Variants in FRS2 observed in about 807,000 individuals in gnomAD.
The protein encoded by FRS2 is FGFR signalling adaptor.
Under a neutral mutation model 43.9 loss-of-function variants are expected in FRS2, and 8 were observed. The observed-to-expected ratio is 0.18, with a 90% CI of 0.11 to 0.33. The LOEUF is 0.33. FRS2 is among the 10% of genes least tolerant of loss of function. The probability of loss-of-function intolerance (pLI) is 1.00; values close to 1 mark genes in which losing one functional copy is unlikely to be tolerated. For synonymous variants in FRS2, 219 were observed against 220.3 expected, an observed-to-expected ratio of 0.99 and a Z score of 0.05; for missense variants, 534 against 627.6, an observed-to-expected ratio of 0.85 and a Z score of 1.59.
chr12:69,492,528 CAAAG>C (rs1222210727), intron 1 of FRS2, among the ~76,000 whole-genome samples: 1 of 152,132 alleles, frequency 6.6e-6, no homozygotes, highest in Non-Finnish European at 1.5e-5. Flanking sequence ...AGGGATAAGA[CAAAG>C]AACCATCTGT....
intron 1 of FRS2, among the ~76,000 whole-genome samples, chr12:69,478,722 TTA>T (rs1328354523): frequency 9.0e-5 from 9 of 99,908 alleles, no homozygotes; most frequent in Admixed American, 3.2e-4. Context: ...ACATACATCA[TTA>T]TGTGTGTGTG....
chr12:69,524,671 T>TG (rs1876024051), intron 1 of FRS2, among the ~76,000 whole-genome samples: 2 of 152,160 alleles, frequency 1.3e-5, no homozygotes, highest in South Asian at 4.1e-4. Flanking sequence ...AAATCTCCTA[T>TG]GGGGGCAGGT....
chr12:69,533,608 CAA>C (rs1043441028), intron 3 of FRS2, among the ~76,000 whole-genome samples: 1 of 152,144 alleles, frequency 6.6e-6, no homozygotes, highest in Non-Finnish European at 1.5e-5. Context: ...CTTGGCCTCC[CAA>C]AGTGTTGGGA....
In FRS2 at chr12:69,574,915, C is replaced by G; in HGVS notation, c.1487C>G (p.Ser496Cys). ...GCACTGCCACGAGATGATGGTACAT[C>G]TAGGAAAACTAGACACAATAGTACT... ...QKALPRDDGT[S>C]RKTRHNSTDL... The change falls in exon 9 of 9, where the codon TCT (serine) becomes TGT (cysteine). Residue 496 changes from serine to cysteine, a missense_variant. Ser to Cys is a moderately radical substitution (Grantham distance 112). Transcript: ENST00000549921. The G allele has an allele frequency of 2.5e-6, 4 of 1,612,644 alleles. No homozygotes were observed. Among genetic ancestry groups the G allele is most frequent in the Non-Finnish European group, 2.5e-6 (3 of 1,178,760 alleles).
rs1328613900 is a variant in FRS2 at position 69,578,638 on chromosome 12, G to A, written c.*3683G>A. On this transcript the variant is annotated 3_prime_UTR_variant, in exon 9 of 9. Transcript: ENST00000549921. ...TCACCAGTGTGCCACATTTGCATTA[G>A]TAATGCAAAATATACATTTTATAAA... is the stretch of plus-strand genomic sequence containing the variant. 1 of 152,522 alleles carries A rather than the reference G, an allele frequency of 6.6e-6. No individual in the cohort carries two copies. The highest frequency in any genetic ancestry group is 1.5e-5 in the Non-Finnish European group (1 of 68,014). 9.4% of individuals were successfully genotyped at this position (152,522 alleles called of 1,614,324 possible).
rs1881099618 is a variant in FRS2, at chr12:69,575,095, A to T, written c.*140A>T. 2 of 607,932 alleles carry T rather than the reference A, an allele frequency of 3.3e-6. No homozygotes were observed. Among genetic ancestry groups the T allele is most frequent in the African/African-American group, 3.7e-5 (2 of 54,012 alleles). 37.7% of individuals were successfully genotyped at this position (607,932 alleles called of 1,614,324 possible). On this transcript the variant is annotated 3_prime_UTR_variant, in exon 9 of 9. Transcript: ENST00000549921. ...TCTGAATATTTCATGTGCATCTTTA[A>T]CTAAAGGGAATTAATGTAGAGCAGG...
At chr12:69,568,190 T>C (rs1305413118) in intron 4 of FRS2, among the ~76,000 whole-genome samples, 1 of 152,226 alleles carries the variant, frequency 6.6e-6, no homozygotes, top group Non-Finnish European at 1.5e-5. Context: ...ATAGACATGC[T>C]ATATCAGTTT....
At position 69,570,365 on chromosome 12, in the gene FRS2, G is replaced by A. The variant is rs1266443686; in HGVS notation, c.101G>A (p.Gly34Asp). The A allele has an allele frequency of 2.5e-6, 4 of 1,613,824 alleles. No homozygotes were observed. In the Admixed American group the frequency reaches 5.0e-5, roughly 20 times the overall value. The change falls in exon 6 of 9, where the codon GGT becomes GAT. Residue 34 changes from glycine (G) to aspartate (D), a missense_variant. Physicochemically the swap from Gly to Asp is moderately conservative, Grantham distance 94. Transcript: ENST00000549921. ...GTGGATGATGATGGGAATGAGTTAG[G>A]TTCTGGCATAATGGAACTTACAGAC... ...INVDDDGNEL[G>D]SGIMELTDTE...
chr12:69,512,649 T>C (rs1419165902), intron 1 of FRS2, among the ~76,000 whole-genome samples: 1 of 152,188 alleles, frequency 6.6e-6, no homozygotes, highest in African/African-American at 2.4e-5. Flanking sequence ...ACAACTTGTA[T>C]ATTATAATTG....
At chr12:69,540,639 C>G (rs985933393) in intron 3 of FRS2, among the ~76,000 whole-genome samples, 2 of 152,180 alleles carry the variant, frequency 1.3e-5, no homozygotes, top group African/African-American at 4.8e-5. Context: ...ACTCCACTTT[C>G]CTCATGGTGA....
At chr12:69,528,513 G>A (rs1876480353) in intron 1 of FRS2, among the ~76,000 whole-genome samples, 1 of 152,140 alleles carries the variant, frequency 6.6e-6, no homozygotes. Flanking sequence ...CTGTTCTAGA[G>A]TTATGGTACA....
chr12:69,553,217 G>A (rs556137948), intron 3 of FRS2, among the ~76,000 whole-genome samples: 4 of 151,630 alleles, frequency 2.6e-5, no homozygotes, highest in South Asian at 4.2e-4. Context: ...GATTACAGGC[G>A]CCCACCTCCA....
At position 69,576,885 on chromosome 12, in the gene FRS2, T is replaced by TG. The variant is rs1593084663; in HGVS notation, c.*1931dup. The TG allele has an allele frequency of 6.5e-6, 1 of 152,768 alleles. No homozygotes were observed. Among genetic ancestry groups the TG allele is most frequent in the East Asian group, 1.9e-4 (1 of 5,188 alleles). The allele number at this position is 152,768 out of a possible 1,614,324, so 9.5% of individuals were successfully genotyped here. On this transcript the variant is annotated 3_prime_UTR_variant, in exon 9 of 9. Coordinates refer to ENST00000549921, the MANE Select transcript of FRS2 (RefSeq NM_001278356.2). ...CAGTGGTATAGGTGTGCAGTTTCCA[T>TG]GATGCAGGTTCCATTTTTAATATAT...
At chr12:69,536,576 T>TA (rs1317948100) in intron 3 of FRS2, among the ~76,000 whole-genome samples, 1 of 103,298 alleles carries the variant, frequency 9.7e-6, no homozygotes, top group Non-Finnish European at 1.9e-5. Flanking sequence ...TTTTTTTTTT[T>TA]TAATTTTTTT....
intron 1 of FRS2, among the ~76,000 whole-genome samples, chr12:69,485,403 C>T (rs1234998559): frequency 1.3e-5 from 2 of 152,012 alleles, no homozygotes; most frequent in Non-Finnish European, 2.9e-5. Flanking sequence ...AGGATGGTCT[C>T]GATCTCCTGA....
At chr12:69,557,426 C>T (rs1879450852) in intron 3 of FRS2, among the ~76,000 whole-genome samples, 1 of 152,162 alleles carries the variant, frequency 6.6e-6, no homozygotes, top group African/African-American at 2.4e-5. Flanking sequence ...CTTAAAAGCA[C>T]ACACCTTTGC....
intron 3 of FRS2, among the ~76,000 whole-genome samples, chr12:69,558,415 G>C (rs779968256): frequency 6.6e-5 from 10 of 152,222 alleles, no homozygotes; most frequent in Non-Finnish European, 1.5e-4. Context: ...ACCCTCAGTA[G>C]TACGAACTGA....
chr12:69,516,964 C>G (rs1407285148), intron 1 of FRS2, among the ~76,000 whole-genome samples: 5 of 152,182 alleles, frequency 3.3e-5, no homozygotes, highest in Non-Finnish European at 5.9e-5. Flanking sequence ...AATTTGAAAT[C>G]TGAAATGCTC....
chr12:69,535,743 G>A (rs1036616816), intron 3 of FRS2, among the ~76,000 whole-genome samples: 1 of 152,006 alleles, frequency 6.6e-6, no homozygotes, highest in Admixed American at 6.6e-5. Flanking sequence ...TTTTGGATTC[G>A]GGTTTAGTTT....
Sources: gnomAD v4.1 joint callset for allele counts (sites outside exome capture counted in the v4.1 genomes callset) on GRCh38, gnomAD v4.1.1 for gene constraint, MANE v1.5 for transcripts, NCBI Gene and HGNC (gene_info 2026-07-23, HGNC 2026-07-21) for gene names.